Variants in RPGR observed in about 807,000 individuals in gnomAD.
RPGR encodes retinitis pigmentosa GTPase regulator, also known as X-linked retinitis pigmentosa GTPase regulator.
RPGR carries 10 observed loss-of-function variants against 56.3 expected under a neutral mutation model. The observed-to-expected ratio is 0.18, with a 90% confidence interval of 0.11 to 0.30. The LOEUF (loss-of-function observed/expected upper bound fraction) is 0.30, where lower values mean the gene tolerates loss of function less well. Among genes scored for constraint, RPGR ranks in the 10% least tolerant of loss-of-function variants. The pLI is 1.00. For synonymous variants in RPGR, 197 were observed against 212.9 expected, an observed-to-expected ratio of 0.93 and a Z score of 0.65; for missense variants, 538 against 590.9, an observed-to-expected ratio of 0.91 and a Z score of 0.93.
At chrX:38,284,374 C>G (rs1379390102) in intron 15 of RPGR, 34 bp downstream of exon 15, 1 of 591,865 alleles carries the variant, frequency 1.7e-6, no homozygotes, top group African/African-American at 2.5e-5. Context: ...TAATACTAGA[C>G]AGTTTATCTT....
rs763508382 is a variant in RPGR at position 38,304,796 on chromosome X, A to G, written c.779-6T>C. 8.3e-7 allele frequency: 1 copy of G among 1,207,523 alleles called. No homozygotes were observed. On this transcript the variant is annotated splice_region_variant and splice_polypyrimidine_tract_variant and intron_variant, in intron 7 of 18. Transcript: ENST00000642395. The stretch of plus-strand genomic sequence containing the variant: ...AAAGGTATACACAGCATTCTCTGAA[A>G]GGAAAGGGGCAAATACAAGACAAGG...
At chrX:38,287,458 C>A (rs1043837224) in intron 14 of RPGR, 2 of 570,200 alleles carry the variant, frequency 3.5e-6, no homozygotes, top group Non-Finnish European at 6.0e-6. Context: ...CTCACTTGCA[C>A]CTTCCATGTA....
At chrX:38,272,336 G>A (rs3015258) in intron 18 of RPGR, 17,161 of 110,005 alleles carry the variant, frequency 0.16, 1,086 homozygotes, top group Non-Finnish European at 0.18. Flanking sequence ...GCTCACGCCT[G>A]TAATCCCAGC....
At chrX:38,282,776 T>TGCA (rs2147183726) in intron 15 of RPGR, among the ~76,000 whole-genome samples, 1 of 79,394 alleles carries the variant, frequency 1.3e-5, no homozygotes, top group South Asian at 6.5e-4. Context: ...ACTGCTGCTG[T>TGCA]TCAGCAGCAG....
At chrX:38,297,259 G>A in intron 11 of RPGR, 25 bp downstream of exon 11, 2 of 1,198,420 alleles carry the variant, frequency 1.7e-6, no homozygotes, top group Non-Finnish European at 1.1e-6. Context: ...TTTATCCTGA[G>A]AGCAGACAGA....
chrX:38,316,886 T>C (rs1320616588), intron 6 of RPGR, among the ~76,000 whole-genome samples: 1 of 111,960 alleles, frequency 8.9e-6, no homozygotes, highest in Non-Finnish European at 1.9e-5. Flanking sequence ...TTTTTACTGT[T>C]GAAAAATCCC....
intron 15 of RPGR, chrX:38,285,562 G>A (rs2067111764): frequency 8.3e-7 from 1 of 1,209,222 alleles, no homozygotes; most frequent in African/African-American, 1.8e-5. Flanking sequence ...CAAGTAATGT[G>A]GTAATACATT....
chrX:38,310,495 AG>A, intron 7 of RPGR, 119 bp downstream of exon 7: 1 of 663,261 alleles, frequency 1.5e-6, no homozygotes, highest in East Asian at 3.6e-5. Context: ...TCTATTAAGA[AG>A]GTAGTTCTCA....
At chrX:38,285,954 T>A in intron 15 of RPGR, 1 of 923,579 alleles carries the variant, frequency 1.1e-6, no homozygotes, top group Non-Finnish European at 1.4e-6. Flanking sequence ...CTTCCTCTTC[T>A]TCCTCCCCTT....
At chrX:38,321,185 T>C (rs1157979530) in intron 3 of RPGR, 96 bp from the exon 4 acceptor site, 5 of 651,529 alleles carry the variant, frequency 7.7e-6, no homozygotes, top group Non-Finnish European at 1.2e-5. Flanking sequence ...CGAGATTTAA[T>C]AGCGGGCTTG....
intron 13 of RPGR, among the ~76,000 whole-genome samples, chrX:38,288,963 G>T (rs2067240037): frequency 9.1e-6 from 1 of 109,343 alleles, no homozygotes; most frequent in African/African-American, 3.3e-5. Flanking sequence ...TTTATTTTTA[G>T]TAGAGATGAG....
chrX:38,304,570 A>G, intron 8 of RPGR, 65 bp downstream of exon 8: 2 of 899,290 alleles, frequency 2.2e-6, no homozygotes, highest in Non-Finnish European at 3.2e-6. Context: ...CATTTCACAT[A>G]TAATTTATTT....
chrX:38,293,984 T>C (rs1022912817), intron 11 of RPGR, among the ~76,000 whole-genome samples: 5 of 111,393 alleles, frequency 4.5e-5, no homozygotes, highest in African/African-American at 1.6e-4. Flanking sequence ...CTCCACTTTA[T>C]CAGCAAATAG....
At chrX:38,280,743 C>G (rs1397262542) in intron 15 of RPGR, among the ~76,000 whole-genome samples, 2 of 110,970 alleles carry the variant, frequency 1.8e-5, no homozygotes, top group African/African-American at 3.3e-5. Context: ...TCATCTTGCC[C>G]AGGCTGGTCT....
chrX:38,276,899 AGCCG>A, intron 15 of RPGR: 1 of 567,094 alleles, frequency 1.8e-6, no homozygotes, highest in Admixed American at 3.3e-5. Context: ...CAAATATTGA[AGCCG>A]AAGAAAAAAA....
At chrX:38,292,513 A>G (rs1380529227) in intron 11 of RPGR, among the ~76,000 whole-genome samples, 2 of 112,070 alleles carry the variant, frequency 1.8e-5, no homozygotes, top group Admixed American at 1.9e-4. Context: ...GACAGTCCAC[A>G]CTGATCCCTC....
chrX:38,275,794 C>A, intron 16 of RPGR, among the ~76,000 whole-genome samples: 1 of 104,251 alleles, frequency 9.6e-6, no homozygotes. Flanking sequence ...ATGAGAAGAG[C>A]CTTGCAACAG....
At chrX:38,324,968 G>C (rs1310535513) in intron 1 of RPGR, among the ~76,000 whole-genome samples, 2 of 106,575 alleles carry the variant, frequency 1.9e-5, no homozygotes, top group Non-Finnish European at 3.9e-5. Flanking sequence ...TCAGGAGTTC[G>C]AGACCAGCCT....
At chrX:38,310,552 A>T in intron 7 of RPGR, 63 bp downstream of exon 7, 1 of 1,115,723 alleles carries the variant, frequency 9.0e-7, no homozygotes, top group Non-Finnish European at 1.2e-6. Context: ...AAAAATGAAC[A>T]TTAAAAAAAT....
Sources: gnomAD v4.1 joint callset for allele counts (sites outside exome capture counted in the v4.1 genomes callset) on GRCh38, gnomAD v4.1.1 for gene constraint, MANE v1.5 for transcripts, NCBI Gene and HGNC (gene_info 2026-07-23, HGNC 2026-07-21) for gene names.